Variants in MMS22L observed in about 807,000 individuals in gnomAD.
The protein encoded by MMS22L is protein MMS22-like.
Under a neutral mutation model 159.1 loss-of-function variants are expected in MMS22L, and 74 were observed. That is an observed-to-expected ratio of 0.47 (90% CI 0.39 to 0.56). The LOEUF (loss-of-function observed/expected upper bound fraction) is 0.56. MMS22L is among the 20% of genes least tolerant of loss of function. The probability of loss-of-function intolerance (pLI) is 0.00; values close to 1 mark genes in which losing one functional copy is unlikely to be tolerated. For missense variants in MMS22L, 1,351 were observed against 1,422.1 expected, an observed-to-expected ratio of 0.95 and a Z score of 0.80; for synonymous variants, 517 against 506.9, an observed-to-expected ratio of 1.02 and a Z score of -0.27.
At chr6:97,202,415 G>T (rs917961641) in intron 14 of MMS22L, among the ~76,000 whole-genome samples, 1 of 152,170 alleles carries the variant, frequency 6.6e-6, no homozygotes, top group Non-Finnish European at 1.5e-5. Context: ...AAGCTGCGAA[G>T]ATCGCTGCAA....
At chr6:97,159,948 G>GTTCTTTTTTTTTTTTTTTTTTTTTTT (rs1802249354) in intron 22 of MMS22L, among the ~76,000 whole-genome samples, 1 of 97,180 alleles carries the variant, frequency 1.0e-5, no homozygotes, top group African/African-American at 4.0e-5. Flanking sequence ...TATCATTTCT[G>GTTCTTTTTTTTTTTTTTTTTTTTTTT]TTTTTTTTTT....
intron 22 of MMS22L, among the ~76,000 whole-genome samples, chr6:97,159,913 C>T (rs1055631318): frequency 2.0e-5 from 3 of 148,084 alleles, no homozygotes; most frequent in Non-Finnish European, 4.5e-5. Flanking sequence ...ATACGGAATA[C>T]TCATCCTATA....
chr6:97,147,894 T>C (rs1019254010), intron 24 of MMS22L, among the ~76,000 whole-genome samples: 2 of 152,214 alleles, frequency 1.3e-5, no homozygotes, highest in East Asian at 3.8e-4. Context: ...CATAGTCATG[T>C]CTTCAAGAAA....
intron 14 of MMS22L, among the ~76,000 whole-genome samples, chr6:97,209,590 T>A (rs1808154488): frequency 1.3e-5 from 2 of 152,118 alleles, no homozygotes; most frequent in East Asian, 3.9e-4. Context: ...TCAAACTGCT[T>A]AAGGTCTCTG....
At position 97,165,524 on chromosome 6, in the gene MMS22L, T is replaced by A; in HGVS notation, c.3010-67A>T. 3.8e-6 allele frequency: 5 copies of A among 1,321,100 alleles called. No homozygotes were observed. In the South Asian group the frequency reaches 6.6e-5, roughly 17 times the overall value. The allele number at this position is 1,321,100 out of a possible 1,614,324, so 81.8% of individuals were successfully genotyped here. A position where few individuals can be genotyped will look rare whatever the true frequency, so the allele number is the denominator to read the frequency against. On this transcript the variant is annotated intron_variant, in intron 20 of 24. Coordinates refer to ENST00000683635, the MANE Select transcript of MMS22L (RefSeq NM_001350599.2). ...CAAAGAACAAACAATATTTAGAAACTCACTAATGAAGTCCCCAGCATTAAT... is the reference window on the plus strand; with the variant it reads ...CAAAGAACAAACAATATTTAGAAACACACTAATGAAGTCCCCAGCATTAAT...
chr6:97,269,928 A>T lies in MMS22L; in HGVS notation c.671T>A (p.Ile224Asn). Residue 224 changes from isoleucine (I) to asparagine (N), a missense_variant, in exon 7 of 25, where the codon ATT becomes AAT. Ile to Asn is a moderately radical substitution (Grantham distance 149). Transcript: ENST00000683635. ...CAATTTTTCACCCAGCATGTAAAGA[A>T]TTTCTAGCACCAGCCAATGTATATC... ...HLDIHWLVLE[I>N]LYMLGEKLKQ... 8 of 1,611,542 alleles carry T rather than the reference A, an allele frequency of 5.0e-6. No individual in the cohort carries two copies. Among genetic ancestry groups the T allele is most frequent in the Non-Finnish European group, 6.8e-6 (8 of 1,178,582 alleles).
rs1296819428 is a variant in MMS22L, at chr6:97,267,987, C to A, written c.713G>T (p.Gly238Val). Reference sequence around the variant, plus strand: ...ACTTGCCAGATTCATAAACTGATGACCATATACAACTTGTTCTGAAAATGT... The same window carrying A: ...ACTTGCCAGATTCATAAACTGATGAACATATACAACTTGTTCTGAAAATGT... ...LGEKLKQVVYGHQFMNLASDN... is the reference protein window; with the variant it reads ...LGEKLKQVVYVHQFMNLASDN... The change falls in exon 8 of 25, where the codon GGT (glycine) becomes GTT (valine). Residue 238 changes from glycine to valine, a missense_variant. Transcript: ENST00000683635. The A allele has an allele frequency of 1.3e-6, 2 of 1,566,634 alleles. No individual in the cohort carries two copies. Among genetic ancestry groups the A allele is most frequent in the South Asian group, 1.2e-5 (1 of 82,668 alleles).
intron 18 of MMS22L, among the ~76,000 whole-genome samples, chr6:97,175,536 T>C (rs1476237716): frequency 6.6e-6 from 1 of 152,206 alleles, no homozygotes; most frequent in African/African-American, 2.4e-5. Context: ...GCCATTGGTC[T>C]ATCCTGTATT....
intron 14 of MMS22L, among the ~76,000 whole-genome samples, chr6:97,190,891 T>A (rs891441387): frequency 3.9e-4 from 59 of 152,310 alleles, no homozygotes; most frequent in African/African-American, 1.4e-3. Context: ...CTGAAAAGTT[T>A]AGAAGCCTAT....
intron 4 of MMS22L, among the ~76,000 whole-genome samples, chr6:97,274,907 A>G (rs1816106932): frequency 6.6e-6 from 1 of 152,188 alleles, no homozygotes; most frequent in Non-Finnish European, 1.5e-5. Context: ...AAAAAATCTC[A>G]TAATAGACTA....
At chr6:97,174,311 C>T (rs2128259216) in intron 18 of MMS22L, among the ~76,000 whole-genome samples, 1 of 150,058 alleles carries the variant, frequency 6.7e-6, no homozygotes, top group Non-Finnish European at 1.5e-5. Context: ...ATAAAATTTT[C>T]AAACCATTTT....
chr6:97,238,477 CTT>C (rs1811669965), intron 11 of MMS22L, among the ~76,000 whole-genome samples: 1 of 151,968 alleles, frequency 6.6e-6, no homozygotes, highest in African/African-American at 2.4e-5. Context: ...CTGTGGGCCT[CTT>C]TTCCACAAAG....
At chr6:97,244,449 G>A (rs1308852452) in intron 11 of MMS22L, among the ~76,000 whole-genome samples, 3 of 152,200 alleles carry the variant, frequency 2.0e-5, no homozygotes, top group Non-Finnish European at 4.4e-5. Context: ...CTGTGAGGGT[G>A]CTGCCAAAGC....
chr6:97,191,437 A>AT (rs945768244), intron 14 of MMS22L, among the ~76,000 whole-genome samples: 1 of 152,210 alleles, frequency 6.6e-6, no homozygotes, highest in African/African-American at 2.4e-5. Flanking sequence ...CTAATACATG[A>AT]TGCCTCAAAG....
chr6:97,283,210 C>T lies in MMS22L; in HGVS notation c.-191G>A, dbSNP rs2128106663. ...TTCCCGCCACCGCGCGCCCGCGCTC[C>T]GGAAAGGCGGGGCCACGGCGCAGCC... On this transcript the variant is annotated 5_prime_UTR_variant, in exon 1 of 25. Coordinates refer to ENST00000683635, the MANE Select transcript of MMS22L (RefSeq NM_001350599.2). 1 of 152,398 alleles carries T rather than the reference C, an allele frequency of 6.6e-6. No individual in the cohort carries two copies. The highest frequency in any genetic ancestry group is 2.1e-4 in the South Asian group (1 of 4,830). 9.4% of individuals were successfully genotyped at this position (152,398 alleles called of 1,614,324 possible).
At chr6:97,209,510 A>T (rs970639750) in intron 14 of MMS22L, among the ~76,000 whole-genome samples, 1 of 151,856 alleles carries the variant, frequency 6.6e-6, no homozygotes, top group African/African-American at 2.4e-5. Flanking sequence ...GCTATCTACA[A>T]TTACAACCAA....
intron 10 of MMS22L, among the ~76,000 whole-genome samples, chr6:97,247,148 A>C (rs1340226973): frequency 6.6e-6 from 1 of 152,110 alleles, no homozygotes; most frequent in Non-Finnish European, 1.5e-5. Flanking sequence ...AGTAACTAAA[A>C]ATTTTATACA....
intron 24 of MMS22L, among the ~76,000 whole-genome samples, chr6:97,149,033 A>G (rs1801063926): frequency 6.6e-6 from 1 of 152,224 alleles, no homozygotes; most frequent in Admixed American, 6.5e-5. Flanking sequence ...CACTACAGTA[A>G]CATGTTATAC....
At chr6:97,222,327 A>G (rs1455305452) in intron 14 of MMS22L, among the ~76,000 whole-genome samples, 1 of 152,050 alleles carries the variant, frequency 6.6e-6, no homozygotes, top group Admixed American at 6.6e-5. Context: ...AAATATATAT[A>G]TATTTTCAAA....
Sources: allele counts gnomAD v4.1 joint callset (sites outside exome capture counted in the v4.1 genomes callset), GRCh38; gene constraint gnomAD v4.1.1; transcripts MANE v1.5; gene names NCBI Gene and HGNC (gene_info 2026-07-23, HGNC 2026-07-21).